Variants in SNX9 observed in about 807,000 individuals in gnomAD.
SNX9 encodes the protein sorting nexin 9, also known as sorting nexin-9.
Under a neutral mutation model 89.4 loss-of-function variants are expected in SNX9, and 44 were observed. The ratio of observed to expected loss-of-function variants is 0.49; its 90% CI spans 0.39 to 0.63. The LOEUF (loss-of-function observed/expected upper bound fraction) is 0.63. SNX9 is among the 30% of genes least tolerant of loss of function. SNX9 has a pLI of 0.00. For missense variants in SNX9, 578 were observed against 736.1 expected (o/e 0.79, Z 2.49); for synonymous variants, 236 against 247.8 (o/e 0.95, Z 0.45).
intron 4 of SNX9, among the ~76,000 whole-genome samples, chr6:157,878,936 G>A (rs6927783): frequency 0.16 from 25,033 of 151,960 alleles, 2,172 homozygotes; most frequent in African/African-American, 0.19. Flanking sequence ...GTGGGGGAAG[G>A]TACTAATAGT....
intron 10 of SNX9, among the ~76,000 whole-genome samples, chr6:157,923,488 A>G (rs997099752): frequency 2.0e-5 from 3 of 152,214 alleles, no homozygotes; most frequent in Non-Finnish European, 4.4e-5. Context: ...CCAGGAATAA[A>G]TACAAGAAAA....
chr6:157,934,452 A>G (rs1024107080), intron 13 of SNX9, among the ~76,000 whole-genome samples: 5 of 152,226 alleles, frequency 3.3e-5, no homozygotes, highest in African/African-American at 9.6e-5. Context: ...AAAGCAAAAT[A>G]AAACAAATGA....
intron 16 of SNX9, among the ~76,000 whole-genome samples, chr6:157,939,614 C>T (rs1218329741): frequency 6.6e-6 from 1 of 152,090 alleles, no homozygotes; most frequent in Non-Finnish European, 1.5e-5. Flanking sequence ...CAAGGAACAG[C>T]TTTCAAGACT....
chr6:157,831,551 C>A (rs1470759268), intron 1 of SNX9, among the ~76,000 whole-genome samples: 1 of 152,166 alleles, frequency 6.6e-6, no homozygotes, highest in Non-Finnish European at 1.5e-5. Context: ...TAGCTTAATA[C>A]AGGACACTTT....
chr6:157,915,555 G>A (rs1336646014), intron 9 of SNX9, among the ~76,000 whole-genome samples: 7 of 149,094 alleles, frequency 4.7e-5, no homozygotes, highest in Non-Finnish European at 1.0e-4. Flanking sequence ...GTAGGCCAAG[G>A]TGGGTGGATC....
At chr6:157,844,587 G>GTTTTTTTGTT (rs1554291784) in intron 1 of SNX9, among the ~76,000 whole-genome samples, 48 of 130,292 alleles carry the variant, frequency 3.7e-4, no homozygotes, top group South Asian at 1.0e-3. Flanking sequence ...GCTAATCCTT[G>GTTTTTTTGTT]TTTTTTTTTT....
intron 2 of SNX9, among the ~76,000 whole-genome samples, chr6:157,869,131 G>C: frequency 6.6e-6 from 1 of 152,186 alleles, no homozygotes; most frequent in East Asian, 1.9e-4. Flanking sequence ...CTGTGCTGTA[G>C]AACATGTTGG....
chr6:157,937,359 T>C, intron 14 of SNX9, 75 bp from the exon 15 acceptor site: 3 of 994,010 alleles, frequency 3.0e-6, no homozygotes, highest in Non-Finnish European at 4.8e-6. Flanking sequence ...TTATAGTCTT[T>C]GGGTATAATA....
rs866742157 is a variant in SNX9, at chr6:157,928,483, A to C, written c.1185-116A>C. ...CCTGTATTTAAGGCTAACTTAGTGA[A>C]AGGGGAGTTGTTATCATGCAAGAAA... On this transcript the variant is annotated intron_variant, in intron 11 of 17. Coordinates refer to ENST00000392185, the MANE Select transcript of SNX9 (RefSeq NM_016224.5). The C allele has an allele frequency of 6.6e-4, 486 of 741,030 alleles. 5 individuals are homozygous for C. Among genetic ancestry groups the C allele is most frequent in the Middle Eastern group, 3.3e-3 (14 of 4,304 alleles). The allele number at this position is 741,030 out of a possible 1,614,324, so 45.9% of individuals were successfully genotyped here.
At chr6:157,905,114 G>A (rs1783183644) in intron 6 of SNX9, among the ~76,000 whole-genome samples, 1 of 152,170 alleles carries the variant, frequency 6.6e-6, no homozygotes, top group Non-Finnish European at 1.5e-5. Context: ...GTTGGAGTCA[G>A]AATTCAAACC....
chr6:157,832,096 G>T (rs1377045826), intron 1 of SNX9, among the ~76,000 whole-genome samples: 4 of 152,188 alleles, frequency 2.6e-5, no homozygotes, highest in Non-Finnish European at 4.4e-5. Context: ...TCTAGGCATT[G>T]TAAATGCAGT....
chr6:157,937,634 A>G, intron 15 of SNX9, 111 bp downstream of exon 15: 1 of 730,224 alleles, frequency 1.4e-6, no homozygotes, highest in Non-Finnish European at 2.2e-6. Context: ...AACAATCTAT[A>G]ATTCCCATTA....
chr6:157,911,418 C>T (rs1195007864), intron 9 of SNX9, among the ~76,000 whole-genome samples: 1 of 152,178 alleles, frequency 6.6e-6, no homozygotes, highest in African/African-American at 2.4e-5. Flanking sequence ...TCGCAAGAGT[C>T]GAGAGAAACA....
intron 1 of SNX9, among the ~76,000 whole-genome samples, chr6:157,837,178 G>A (rs1033063679): frequency 1.3e-5 from 2 of 152,144 alleles, no homozygotes; most frequent in South Asian, 4.1e-4. Context: ...TTAGTTTCTC[G>A]CCAACTTGTA....
At position 157,926,959 on chromosome 6, in the gene SNX9, A is replaced by G. The variant is rs1671362202; in HGVS notation, c.1081-152A>G. On this transcript the variant is annotated intron_variant, in intron 10 of 17. Transcript: ENST00000392185. ...GAGATTACATTCGGAGTATAAAGGTATTTAGTCCATGGTGCAGAGGGAGAT... is the reference window on the plus strand; with the variant it reads ...GAGATTACATTCGGAGTATAAAGGTGTTTAGTCCATGGTGCAGAGGGAGAT... 6 of 608,120 alleles carry G rather than the reference A, an allele frequency of 9.9e-6. 1 individual carries two copies. The highest frequency in any genetic ancestry group is 9.8e-5 in the South Asian group (5 of 50,774). The allele number at this position is 608,120 out of a possible 1,614,324, so 37.7% of individuals were successfully genotyped here.
rs3749845 is a variant in SNX9 at position 157,942,647 on chromosome 6, G to T, written c.1741-144G>T. On this transcript the variant is annotated intron_variant, in intron 17 of 17. Transcript: ENST00000392185. The stretch of plus-strand genomic sequence containing the variant: ...GGGTTAAGGTCTGTCCAGCAGCAAC[G>T]CGGGGCAGGGCTGGTGCCAAAAAGA... The T allele has an allele frequency of 1.1e-3, 870 of 819,858 alleles. 12 individuals carry two copies. The East Asian group carries it at 0.023, about 21-fold the overall frequency. The allele number at this position is 819,858 out of a possible 1,614,324, so 50.8% of individuals were successfully genotyped here.
intron 1 of SNX9, among the ~76,000 whole-genome samples, chr6:157,841,752 A>G (rs9364670): frequency 0.05 from 7,577 of 152,322 alleles, 213 homozygotes; most frequent in East Asian, 0.11. Flanking sequence ...ACAAGGTCCC[A>G]CTTATCTTCA....
At position 157,841,126 on chromosome 6, in the gene SNX9, G is replaced by A. The variant is rs149004684; in HGVS notation, c.12+17680G>A. 4.1e-3 allele frequency among the ~76,000 whole-genome samples: 617 copies of A among 152,294 alleles called. 4 individuals carry two copies. Among genetic ancestry groups the A allele is most frequent in the African/African-American group, 0.014 (589 of 41,552 alleles). On this transcript the variant is annotated intron_variant, in intron 1 of 17. Transcript: ENST00000392185. ...ACCCTGAGAACTGGGGCAGAATGCT[G>A]TTATGGGCTAAGAAGAAATGGCATC...
chr6:157,925,138 G>T (rs1377782756), intron 10 of SNX9, among the ~76,000 whole-genome samples: 1 of 152,190 alleles, frequency 6.6e-6, no homozygotes, highest in Non-Finnish European at 1.5e-5. Context: ...AAGCAATGAA[G>T]GGCTAGATTT....
Sources: allele counts gnomAD v4.1 joint callset (sites outside exome capture counted in the v4.1 genomes callset), GRCh38; gene constraint gnomAD v4.1.1; transcripts MANE v1.5; gene names NCBI Gene and HGNC (gene_info 2026-07-23, HGNC 2026-07-21).